SUPT3H: variants seen among roughly 807,000 people sequenced by gnomAD.
SUPT3H encodes the protein SPT3 homolog, SAGA and STAGA complex component.
In SUPT3H, 44 loss-of-function variants were observed where a neutral mutation model predicts 44.3. That is an observed-to-expected ratio of 0.99 (90% CI 0.78 to 1.28). The LOEUF is 1.28. Among genes scored for constraint, SUPT3H ranks in the 50% most tolerant of loss-of-function variants. The pLI, the probability that SUPT3H is intolerant of heterozygous loss-of-function variation, is 0.00. For missense variants in SUPT3H, 380 were observed against 387.1 expected, an observed-to-expected ratio of 0.98 and a Z score of 0.15; for synonymous variants, 124 against 125.6, an observed-to-expected ratio of 0.99 and a Z score of 0.09.
At chr6:44,898,525 T>G (rs1416324257) in intron 10 of SUPT3H, among the ~76,000 whole-genome samples, 1 of 152,212 alleles carries the variant, frequency 6.6e-6, no homozygotes, top group African/African-American at 2.4e-5. Flanking sequence ...CAAGCCAGAA[T>G]TGCCCAGCCA....
chr6:45,203,268 C>T (rs958461301), intron 2 of SUPT3H, among the ~76,000 whole-genome samples: 3 of 152,086 alleles, frequency 2.0e-5, no homozygotes, highest in South Asian at 2.1e-4. Flanking sequence ...AGTTTATAAA[C>T]GGCATTAACA....
At chr6:44,972,318 T>C (rs572461189) in intron 6 of SUPT3H, among the ~76,000 whole-genome samples, 1 of 152,232 alleles carries the variant, frequency 6.6e-6, no homozygotes, top group East Asian at 1.9e-4. Context: ...GGCAGTCAAA[T>C]CTTAAAACTC....
chr6:45,318,388 A>G (rs4520015), intron 2 of SUPT3H, among the ~76,000 whole-genome samples: 1 of 152,110 alleles, frequency 6.6e-6, no homozygotes, highest in African/African-American at 2.4e-5. Flanking sequence ...ACATAAAGAA[A>G]AAATCCTAAT....
intron 3 of SUPT3H, among the ~76,000 whole-genome samples, chr6:45,101,877 G>A (rs562254051): frequency 6.6e-6 from 1 of 151,956 alleles, no homozygotes; most frequent in Non-Finnish European, 1.5e-5. Context: ...AACTCAAAGG[G>A]AGTATGAATC....
chr6:45,371,394 CTT>C (rs560509544), intron 1 of SUPT3H, among the ~76,000 whole-genome samples: 6 of 138,882 alleles, frequency 4.3e-5, no homozygotes, highest in East Asian at 4.2e-4. Flanking sequence ...TATTAGCTCA[CTT>C]TTTTTTTTTT....
At chr6:44,914,627 A>G (rs1267086978) in intron 10 of SUPT3H, among the ~76,000 whole-genome samples, 1 of 152,178 alleles carries the variant, frequency 6.6e-6, no homozygotes, top group African/African-American at 2.4e-5. Flanking sequence ...TGAAGTGTAC[A>G]TTTATATAAG....
At chr6:45,024,321 A>G (rs2153520211) in intron 3 of SUPT3H, among the ~76,000 whole-genome samples, 1 of 152,204 alleles carries the variant, frequency 6.6e-6, no homozygotes, top group South Asian at 2.1e-4. Context: ...ATTGCTATCC[A>G]TGACATTCAT....
At chr6:45,230,554 G>T (rs1195593216) in intron 2 of SUPT3H, among the ~76,000 whole-genome samples, 1 of 89,094 alleles carries the variant, frequency 1.1e-5, no homozygotes, top group Non-Finnish European at 2.1e-5. Context: ...CTGTTTGCAT[G>T]GACTATCCTT....
At chr6:45,066,261 C>A (rs1471811769) in intron 3 of SUPT3H, among the ~76,000 whole-genome samples, 2 of 152,058 alleles carry the variant, frequency 1.3e-5, no homozygotes, top group Non-Finnish European at 2.9e-5. Flanking sequence ...AATTCAACAA[C>A]TCCTTCATGC....
chr6:45,146,008 C>A (rs1300404301), intron 2 of SUPT3H, among the ~76,000 whole-genome samples: 1 of 151,780 alleles, frequency 6.6e-6, no homozygotes, highest in African/African-American at 2.4e-5. Context: ...TTTAAAAAAT[C>A]AAAAAATAAT....
rs564904911 is a variant in SUPT3H, at chr6:45,082,859, C to T, written c.186+23063G>A. Among the ~76,000 whole-genome samples, 12 of 152,078 alleles carry T rather than the reference C, an allele frequency of 7.9e-5. No individual in the cohort carries two copies. In the South Asian group the frequency reaches 1.9e-3, roughly 24 times the overall value. ...ATCTCTCTTCAGAGACAATAGGATT[C>T]GACACCTAGAAAACCCTAAAGACCT... On this transcript the variant is annotated intron_variant, in intron 3 of 10. Coordinates refer to ENST00000371459, the MANE Select transcript of SUPT3H (RefSeq NM_003599.4).
chr6:45,295,524 C>CAAAAAAAAAAAAAAAAAAA (rs752887669), intron 2 of SUPT3H, among the ~76,000 whole-genome samples: 1 of 40,060 alleles, frequency 2.5e-5, no homozygotes. Context: ...TTTTGCACAG[C>CAAAAAAAAAAAAAAAAAAA]AAAAAAAAAA....
At chr6:44,824,781 T>C (rs1420925011), downstream of SUPT3H, among the ~76,000 whole-genome samples, 1 of 152,208 alleles carries the variant, frequency 6.6e-6, no homozygotes, top group Non-Finnish European at 1.5e-5. Context: ...CTGAGTGGAA[T>C]GGAAAACTAT....
intron 2 of SUPT3H, among the ~76,000 whole-genome samples, chr6:45,243,817 CCTGT>C (rs1770837832): frequency 6.6e-6 from 1 of 152,190 alleles, no homozygotes; most frequent in South Asian, 2.1e-4. Context: ...AATACTGTTG[CCTGT>C]ATTTCCCCTG....
intron 2 of SUPT3H, among the ~76,000 whole-genome samples, chr6:45,265,868 A>C (rs890429321): frequency 1.3e-5 from 2 of 152,092 alleles, no homozygotes; most frequent in African/African-American, 4.8e-5. Context: ...TAACAATAAA[A>C]TAGATGTTTG....
chr6:44,932,386 G>A (rs770449501), intron 10 of SUPT3H, among the ~76,000 whole-genome samples: 7 of 151,936 alleles, frequency 4.6e-5, no homozygotes, highest in Non-Finnish European at 7.4e-5. Flanking sequence ...ATAAACCTAA[G>A]CTTTGAAAAA....
intron 5 of SUPT3H, among the ~76,000 whole-genome samples, chr6:45,004,470 A>T (rs1454281457): frequency 6.6e-6 from 1 of 151,992 alleles, no homozygotes; most frequent in Non-Finnish European, 1.5e-5. Context: ...TACATATAAG[A>T]ATCTATATTA....
At chr6:45,291,471 AC>A (rs1780307687) in intron 2 of SUPT3H, among the ~76,000 whole-genome samples, 1 of 152,230 alleles carries the variant, frequency 6.6e-6, no homozygotes, top group Non-Finnish European at 1.5e-5. Flanking sequence ...TACCTGAAAA[AC>A]AATTCAGGAG....
rs1029916947 is a variant in SUPT3H at position 45,062,544 on chromosome 6, A to G, written c.187-41912T>C. 1.1e-4 allele frequency among the ~76,000 whole-genome samples: 16 copies of G among 152,300 alleles called. No homozygotes were observed. The South Asian group carries it at 3.3e-3, about 32-fold the overall frequency. On this transcript the variant is annotated intron_variant, in intron 3 of 10. Coordinates refer to ENST00000371459, the MANE Select transcript of SUPT3H (RefSeq NM_003599.4). ...CGGGTGATTTCTGCATTTCCATCTGAGGTACCGGGTGCATCTCACTAGGGA... is the reference window on the plus strand; with the variant it reads ...CGGGTGATTTCTGCATTTCCATCTGGGGTACCGGGTGCATCTCACTAGGGA...
Sources: gnomAD v4.1 joint callset for allele counts (sites outside exome capture counted in the v4.1 genomes callset) on GRCh38, gnomAD v4.1.1 for gene constraint, MANE v1.5 for transcripts, NCBI Gene and HGNC (gene_info 2026-07-23, HGNC 2026-07-21) for gene names.